UVSSA: variants seen among roughly 807,000 people sequenced by gnomAD.
UVSSA encodes the protein UV-stimulated scaffold protein A.
Under a neutral mutation model 73.9 loss-of-function variants are expected in UVSSA, and 72 were observed. The observed-to-expected ratio is 0.97, with a 90% confidence interval of 0.81 to 1.19. The LOEUF (loss-of-function observed/expected upper bound fraction) is 1.19. Ranked by LOEUF, UVSSA falls within the 50% of genes most tolerant of loss-of-function variation. The probability of loss-of-function intolerance (pLI) is 0.00; values close to 1 mark genes in which losing one functional copy is unlikely to be tolerated. For missense variants in UVSSA, 1,150 were observed against 965.0 expected (o/e 1.19, Z -2.54); for synonymous variants, 454 against 391.3 (o/e 1.16, Z -1.89).
rs1719824908 is a variant in UVSSA, at chr4:1,384,071, C to T, written c.2036+131C>T. On this transcript the variant is annotated intron_variant, in intron 13 of 13. Transcript: ENST00000389851. ...AGGGGCTCCCCTGCTTTGAGTTCCC[C>T]TGGGGGACCACCCAGCCTTTCCCCG... 6.6e-6 allele frequency: 8 copies of T among 1,204,134 alleles called. No individual in the cohort carries two copies. The East Asian group carries it at 2.1e-4, about 31-fold the overall frequency. 74.6% of individuals were successfully genotyped at this position (1,204,134 alleles called of 1,614,324 possible).
chr4:1,395,273 C>T (rs2109338006), exon 14 of UVSSA: 2 of 1,566,078 alleles, frequency 1.3e-6, no homozygotes, highest in South Asian at 1.1e-5. Context: ...TGCTCACGTG[C>T]CGATGTGGAG....
intron 3 of UVSSA, 60 bp downstream of exon 3, chr4:1,349,914 A>G (rs2109061934): frequency 7.1e-7 from 1 of 1,415,474 alleles, no homozygotes; most frequent in Non-Finnish European, 9.3e-7. Flanking sequence ...AGGGCAGACG[A>G]TACCAGGGTG....
chr4:1,361,178 G>A (rs1317425701), intron 7 of UVSSA, among the ~76,000 whole-genome samples: 1 of 152,210 alleles, frequency 6.6e-6, no homozygotes, highest in Non-Finnish European at 1.5e-5. Flanking sequence ...TGAACCTGAG[G>A]CCTCCTCCTC....
At chr4:1,366,281 G>C (rs778649535) in intron 7 of UVSSA, 39 bp from the exon 8 acceptor site, 2 of 1,518,808 alleles carry the variant, frequency 1.3e-6, no homozygotes, top group Non-Finnish European at 1.8e-6. Context: ...TCATACACAG[G>C]GTCTGGGGGT....
chr4:1,365,275 C>G (rs1368623976), intron 7 of UVSSA, among the ~76,000 whole-genome samples: 3 of 152,238 alleles, frequency 2.0e-5, no homozygotes, highest in African/African-American at 7.2e-5. Flanking sequence ...GCTTGGCGTT[C>G]TGTTAGCAAC....
At chr4:1,379,668 C>G in intron 10 of UVSSA, among the ~76,000 whole-genome samples, 1 of 152,232 alleles carries the variant, frequency 6.6e-6, no homozygotes, top group East Asian at 1.9e-4. Context: ...CAAGGTCACG[C>G]CTCAAGGACG....
chr4:1,356,870 C>G (rs1715851925), intron 7 of UVSSA: 1 of 152,530 alleles, frequency 6.6e-6, no homozygotes, highest in African/African-American at 2.4e-5. Context: ...AGGCACTGCA[C>G]CGGTGCACCT....
chr4:1,380,229 A>G lies in UVSSA; in HGVS notation c.1751A>G (p.Lys584Arg). 6.2e-7 allele frequency: 1 copy of G among 1,609,504 alleles called. No homozygotes were observed. The highest frequency in any genetic ancestry group is 1.3e-5 in the African/African-American group (1 of 74,990). The change falls in exon 11 of 14, where the codon AAG becomes AGG. Residue 584 changes from lysine (K) to arginine (R), a missense_variant and splice_region_variant. By Grantham distance (26) the Lys-to-Arg change is conservative. Coordinates refer to ENST00000389851, the MANE Select transcript of UVSSA (RefSeq NM_020894.4). ...CTCTGTGAGCGCCAAGACCGGCTGAAGGTGAGGCCGTGGCCCGAGGGCGGG... is the reference window on the plus strand; with the variant it reads ...CTCTGTGAGCGCCAAGACCGGCTGAGGGTGAGGCCGTGGCCCGAGGGCGGG... ...GRLCERQDRLKCPFHGKIVPR... is the reference protein window; with the variant it reads ...GRLCERQDRLRCPFHGKIVPR...
intron 8 of UVSSA, chr4:1,374,917 C>G (rs1234042135): frequency 5.5e-6 from 1 of 180,700 alleles, no homozygotes; most frequent in African/African-American, 2.4e-5. Flanking sequence ...GTGGCCTTTC[C>G]AAGCGGCTGC....
chr4:1,343,141 A>G (rs1233816302), upstream of UVSSA, among the ~76,000 whole-genome samples: 1 of 152,092 alleles, frequency 6.6e-6, no homozygotes, highest in Non-Finnish European at 1.5e-5. Flanking sequence ...GGGTTTAAAC[A>G]ATGGACATTT....
intron 7 of UVSSA, chr4:1,359,453 A>C (rs1716299552): frequency 6.6e-6 from 1 of 152,214 alleles, no homozygotes; most frequent in South Asian, 2.1e-4. Context: ...ACATAGCTCA[A>C]ATCACCAATT....
intron 8 of UVSSA, among the ~76,000 whole-genome samples, chr4:1,370,437 C>T (rs939030908): frequency 3.3e-5 from 5 of 152,356 alleles, no homozygotes; most frequent in South Asian, 2.1e-4. Flanking sequence ...GCTGGAGGTC[C>T]GTCCCCATCA....
In UVSSA at chr4:1,355,471, C is replaced by T. The variant is rs114226823; in HGVS notation, c.1176+226C>T. On this transcript the variant is annotated intron_variant, in intron 7 of 13. Coordinates refer to ENST00000389851, the MANE Select transcript of UVSSA (RefSeq NM_020894.4). ...CAGCTGTCGGGTGTTGCCCGGCTGCCGTGTATGGTAGCTGAGCAGAAGTGC... is the reference window on the plus strand; with the variant it reads ...CAGCTGTCGGGTGTTGCCCGGCTGCTGTGTATGGTAGCTGAGCAGAAGTGC... Among the ~76,000 whole-genome samples, 1,175 of 152,296 alleles carry T rather than the reference C, an allele frequency of 7.7e-3. 15 individuals carry two copies. Among genetic ancestry groups the T allele is most frequent in the African/African-American group, 0.027 (1,111 of 41,542 alleles).
chr4:1,356,038 G>A (rs950733809), intron 7 of UVSSA, among the ~76,000 whole-genome samples: 4 of 152,118 alleles, frequency 2.6e-5, no homozygotes, highest in African/African-American at 9.7e-5. Flanking sequence ...AGGACTGGAG[G>A]TACACAGCGG....
intron 12 of UVSSA, among the ~76,000 whole-genome samples, chr4:1,381,449 G>A (rs935551678): frequency 6.6e-6 from 1 of 152,240 alleles, no homozygotes; most frequent in African/African-American, 2.4e-5. Flanking sequence ...TGTGGCCACT[G>A]CTATGGCGGC....
Position 1,355,203 on chromosome 4 carries a change from C to A in UVSSA, c.1134C>A (p.Tyr378Ter), listed in dbSNP as rs1200471837. The A allele has an allele frequency of 1.9e-6, 3 of 1,613,362 alleles. No homozygotes were observed. Among genetic ancestry groups the A allele is most frequent in the Non-Finnish European group, 2.5e-6 (3 of 1,179,812 alleles). Residue 378 changes from tyrosine (Y) to a stop codon, truncating the protein, a stop_gained, in exon 7 of 14, where the codon TAC (tyrosine) becomes TAA (stop). Transcript: ENST00000389851. LOFTEE classifies it high-confidence loss of function. ...KAELELVLRK[Y>*]KELDIEPEGG... is the part of the protein sequence containing the mutation. The stretch of plus-strand genomic sequence containing the variant: ...AATTGGAGCTCGTACTGAGAAAATA[C>A]AAGGAGCTGGACATCGAGCCTGAGG...
intron 8 of UVSSA, among the ~76,000 whole-genome samples, chr4:1,371,114 T>A (rs1343382535): frequency 6.6e-6 from 1 of 152,126 alleles, no homozygotes; most frequent in Non-Finnish European, 1.5e-5. Context: ...GGTGAGCACA[T>A]GTGTGTTCAG....
chr4:1,380,760 TTGGCTC>T lies in UVSSA; in HGVS notation c.1753-117_1753-112del, dbSNP rs765726643. On this transcript the variant is annotated intron_variant, in intron 11 of 13. Coordinates refer to ENST00000389851, the MANE Select transcript of UVSSA (RefSeq NM_020894.4). ...CGCGTGATTCCAGGTTGTGTACACT[TTGGCTC>T]TGTGATACCACCCACCCTGGTCGCT... 23 of 1,571,942 alleles carry T rather than the reference TTGGCTC, an allele frequency of 1.5e-5. No homozygotes were observed. In the South Asian group the frequency reaches 2.7e-4, roughly 18 times the overall value.
chr4:1,350,674 A>G (rs1217620252), intron 3 of UVSSA, among the ~76,000 whole-genome samples: 2 of 151,858 alleles, frequency 1.3e-5, no homozygotes, highest in Non-Finnish European at 2.9e-5. Context: ...GCACACCCAC[A>G]GTCCCACTGA....
Sources: gnomAD v4.1 joint callset for allele counts (sites outside exome capture counted in the v4.1 genomes callset) on GRCh38, gnomAD v4.1.1 for gene constraint, MANE v1.5 for transcripts, NCBI Gene and HGNC (gene_info 2026-07-23, HGNC 2026-07-21) for gene names.